Variants in DCP1B observed in about 807,000 individuals in gnomAD.
The protein encoded by DCP1B is mRNA-decapping enzyme 1B.
A neutral mutation model predicts 60.5 loss-of-function variants in DCP1B; 47 were observed. That is an observed-to-expected ratio of 0.78 (90% CI 0.61 to 0.99). DCP1B has a LOEUF of 0.99. Among genes scored for constraint, DCP1B ranks in the 50% least tolerant of loss-of-function variants. DCP1B has a pLI of 0.00. For synonymous variants in DCP1B, 267 were observed against 280.3 expected, an observed-to-expected ratio of 0.95 and a Z score of 0.47; for missense variants, 725 against 756.8, an observed-to-expected ratio of 0.96 and a Z score of 0.49.
intron 1 of DCP1B, among the ~76,000 whole-genome samples, chr12:2,001,632 C>T (rs559897653): frequency 2.0e-5 from 3 of 152,304 alleles, no homozygotes; most frequent in East Asian, 1.9e-4. Context: ...GCATGTAGCA[C>T]GTGAGTCACC....
Position 1,953,200 on chromosome 12 carries a change from G to T in DCP1B, c.740C>A (p.Pro247Gln), listed in dbSNP as rs199631837. Residue 247 changes from proline to glutamine, a missense_variant, in exon 7 of 9, where the codon CCG (proline) becomes CAG (glutamine). Pro to Gln is a moderately conservative substitution (Grantham distance 76). Coordinates refer to ENST00000280665, the MANE Select transcript of DCP1B (RefSeq NM_152640.5). ...KATCQETVEP[P>Q]QTLHQQQQQQ... is the part of the protein sequence containing the mutation. ...CTGCTGCTGCTGGTGGAGAGTCTGCGGAGGCTCCACAGTTTCCTGACATGT... is the reference window on the plus strand; with the variant it reads ...CTGCTGCTGCTGGTGGAGAGTCTGCTGAGGCTCCACAGTTTCCTGACATGT... The T allele has an allele frequency of 6.2e-6, 10 of 1,609,454 alleles. No homozygotes were observed. In the African/African-American group the frequency reaches 1.3e-4, roughly 22 times the overall value.
In DCP1B at chr12:1,971,065, G is replaced by A; in HGVS notation, c.320-3155C>T. On this transcript the variant is annotated intron_variant, in intron 3 of 8. Coordinates refer to ENST00000280665, the MANE Select transcript of DCP1B (RefSeq NM_152640.5). The surrounding 1 kb of genome is among the most constrained non-coding windows in gnomAD (Gnocchi z 4.2). ...TAATATACATCTGGAAATTCACAAT[G>A]CTTCGAGCCTTTGTTCAGCCTGGTA... The A allele has an allele frequency of 7.8e-7, 1 of 1,287,372 alleles. No individual in the cohort carries two copies. Among genetic ancestry groups the A allele is most frequent in the Non-Finnish European group, 1.0e-6 (1 of 987,796 alleles). The allele number at this position is 1,287,372 out of a possible 1,614,324, so 79.7% of individuals were successfully genotyped here.
At chr12:1,974,817 C>T (rs1355354615) in intron 3 of DCP1B, among the ~76,000 whole-genome samples, 6 of 152,148 alleles carry the variant, frequency 3.9e-5, no homozygotes, top group Non-Finnish European at 7.4e-5. Flanking sequence ...TCTCAATGTA[C>T]ATAAATAAGT....
chr12:1,971,101 C>T lies in DCP1B; in HGVS notation c.320-3191G>A. On this transcript the variant is annotated intron_variant, in intron 3 of 8. Transcript: ENST00000280665. The surrounding 1 kb of genome is among the most constrained non-coding windows in gnomAD (Gnocchi z 4.2). The stretch of plus-strand genomic sequence containing the variant: ...TTGTTCAGCCTGGTACGCCTGCATA[C>T]CAGCCGCTTCCCAGCCACCTGTCTG... 7.8e-6 allele frequency: 10 copies of T among 1,289,368 alleles called. No individual in the cohort carries two copies. The highest frequency in any genetic ancestry group is 1.0e-5 in the Non-Finnish European group (10 of 988,480). The allele number at this position is 1,289,368 out of a possible 1,614,324, so 79.9% of individuals were successfully genotyped here.
At chr12:1,965,015 A>T (rs924973401) in intron 5 of DCP1B, among the ~76,000 whole-genome samples, 5 of 151,956 alleles carry the variant, frequency 3.3e-5, no homozygotes, top group African/African-American at 1.2e-4. Flanking sequence ...AGAAGTGGGG[A>T]GGGGAGGGGA....
intron 2 of DCP1B, among the ~76,000 whole-genome samples, chr12:1,995,500 T>C (rs1271546797): frequency 1.3e-5 from 2 of 152,254 alleles, no homozygotes; most frequent in Non-Finnish European, 2.9e-5. Flanking sequence ...GGTTCTTGGG[T>C]ACTCCACTGC....
chr12:1,987,952 T>A (rs1007240020), intron 3 of DCP1B, among the ~76,000 whole-genome samples: 1 of 152,226 alleles, frequency 6.6e-6, no homozygotes, highest in Non-Finnish European at 1.5e-5. Flanking sequence ...AATGTCCCAA[T>A]AGATTCAAAC....
chr12:2,004,201 C>G, intron 1 of DCP1B, 81 bp downstream of exon 1: 3 of 1,572,182 alleles, frequency 1.9e-6, no homozygotes, highest in Non-Finnish European at 2.6e-6. Flanking sequence ...TCCCCCTCAC[C>G]GGGTCCTCAA....
intron 1 of DCP1B, 139 bp downstream of exon 1, chr12:2,004,143 T>G: frequency 8.0e-7 from 1 of 1,242,706 alleles, no homozygotes; most frequent in Non-Finnish European, 1.1e-6. Flanking sequence ...CTCCACAACT[T>G]CGGCCTCAGT....
At chr12:1,988,324 C>T (rs2038385482) in intron 3 of DCP1B, among the ~76,000 whole-genome samples, 1 of 152,162 alleles carries the variant, frequency 6.6e-6, no homozygotes, top group Non-Finnish European at 1.5e-5. Context: ...GGAAAAAAGG[C>T]AGTAAATCTT....
rs2031144392 is a variant in DCP1B, at chr12:1,962,026, C to T, written c.522+3532G>A. Among the ~76,000 whole-genome samples, 1 of 152,136 alleles carries T rather than the reference C, an allele frequency of 6.6e-6. No individual in the cohort carries two copies. Among genetic ancestry groups the T allele is most frequent in the Non-Finnish European group, 1.5e-5 (1 of 68,018 alleles). ...AAGAGGCATGCCACGCTGCACAGGG[C>T]CACGTGTGGAAGCCTCAGGGTGTCA... is the stretch of plus-strand genomic sequence containing the variant. On this transcript the variant is annotated intron_variant, in intron 5 of 8. Transcript: ENST00000280665. The surrounding 1 kb of genome is among the most constrained non-coding windows in gnomAD (Gnocchi z 4.4).
rs191601384 is a variant in DCP1B, at chr12:1,955,592, G to A, written c.523-32C>T. The A allele has an allele frequency of 4.7e-4, 743 of 1,593,912 alleles. 5 individuals are homozygous for A. In the African/African-American group the frequency reaches 9.0e-3, roughly 19 times the overall value. On this transcript the variant is annotated intron_variant, in intron 5 of 8. Coordinates refer to ENST00000280665, the MANE Select transcript of DCP1B (RefSeq NM_152640.5). ...TAGAAAAGAAAATCCCCTCATTTTTGGCTTAGAAAAGCTTTAGTCTTTTTA... is the reference window on the plus strand; with the variant it reads ...TAGAAAAGAAAATCCCCTCATTTTTAGCTTAGAAAAGCTTTAGTCTTTTTA...
At chr12:1,945,710 A>G (rs1244413293), downstream of DCP1B, among the ~76,000 whole-genome samples, 1 of 152,266 alleles carries the variant, frequency 6.6e-6, no homozygotes, top group East Asian at 1.9e-4. Context: ...GCCATAAAAA[A>G]GAATGAGTTC....
intron 5 of DCP1B, among the ~76,000 whole-genome samples, chr12:1,958,083 G>T: frequency 7.6e-6 from 1 of 130,820 alleles, no homozygotes; most frequent in Middle Eastern, 4.6e-3. Flanking sequence ...CTGGGCAATG[G>T]CTTTTTCTAT....
chr12:1,975,816 G>A (rs2034166379), intron 3 of DCP1B, among the ~76,000 whole-genome samples: 1 of 152,144 alleles, frequency 6.6e-6, no homozygotes, highest in Non-Finnish European at 1.5e-5. Context: ...ATGTCAGATT[G>A]TTAAGTTACA....
In DCP1B at chr12:1,948,936, C is replaced by T. The variant is rs376946691; in HGVS notation, c.1773+150G>A. ...TAAATAACACCTAGCTAACTGAGCA[C>T]AGAAGCCGCTGGGGTCAGGATGAGT... On this transcript the variant is annotated intron_variant, in intron 8 of 8. Coordinates refer to ENST00000280665, the MANE Select transcript of DCP1B (RefSeq NM_152640.5). The surrounding 1 kb of genome is among the most constrained non-coding windows in gnomAD (Gnocchi z 4.8). 1 of 1,017,530 alleles carries T rather than the reference C, an allele frequency of 9.8e-7. No individual in the cohort carries two copies. Among genetic ancestry groups the T allele is most frequent in the East Asian group, 2.6e-5 (1 of 38,818 alleles). The allele number at this position is 1,017,530 out of a possible 1,614,324, so 63.0% of individuals were successfully genotyped here.
In DCP1B at chr12:1,971,194, T is replaced by C; in HGVS notation, c.320-3284A>G. On this transcript the variant is annotated intron_variant, in intron 3 of 8. Transcript: ENST00000280665. This position sits in a 1 kb window ranked among gnomAD's most constrained non-coding sequence, Gnocchi z 4.2. ...CTCAACTCAACTATTTCTACATCTC[T>C]CCTGGAGGTAAGAAACCCTAAAGTG... is the stretch of plus-strand genomic sequence containing the variant. 1 of 1,287,498 alleles carries C rather than the reference T, an allele frequency of 7.8e-7. No individual in the cohort carries two copies. Among genetic ancestry groups the C allele is most frequent in the South Asian group, 1.2e-5 (1 of 80,904 alleles). The allele number at this position is 1,287,498 out of a possible 1,614,324, so 79.8% of individuals were successfully genotyped here.
rs112171868 is a variant in DCP1B, at chr12:1,948,672, G to T, written c.1773+414C>A. Among the ~76,000 whole-genome samples, 4,498 of 152,160 alleles carry T rather than the reference G, an allele frequency of 0.03. 99 individuals are homozygous for T. Among genetic ancestry groups the T allele is most frequent in the Middle Eastern group, 0.055 (16 of 292 alleles). ...TTGCTTCCCTCCCTGTTTTCCACTC[G>T]CTCAGTGGCCTCTTCCCCACTCAAC... is the stretch of plus-strand genomic sequence containing the variant. On this transcript the variant is annotated intron_variant, in intron 8 of 8. Transcript: ENST00000280665. The surrounding 1 kb of genome is among the most constrained non-coding windows in gnomAD (Gnocchi z 4.8).
chr12:1,955,932 C>T (rs2030870093), intron 5 of DCP1B, among the ~76,000 whole-genome samples: 1 of 152,126 alleles, frequency 6.6e-6, no homozygotes, highest in Admixed American at 6.5e-5. Flanking sequence ...CCTTAAATAA[C>T]ATGTCTGGAC....
Sources: gnomAD v4.1 joint callset for allele counts (sites outside exome capture counted in the v4.1 genomes callset) on GRCh38, gnomAD v4.1.1 for gene constraint, Gnocchi (gnomAD v3.1) non-coding constraint, MANE v1.5 for transcripts, NCBI Gene and HGNC (gene_info 2026-07-23, HGNC 2026-07-21) for gene names.